UBL3: variants seen among roughly 807,000 people sequenced by gnomAD.
UBL3 encodes ubiquitin-like protein 3.
Under a neutral mutation model 18.4 loss-of-function variants are expected in UBL3, and 6 were observed. The ratio of observed to expected loss-of-function variants is 0.33; its 90% CI spans 0.18 to 0.64. UBL3 has a LOEUF of 0.64. Ranked by LOEUF, UBL3 falls within the 30% of genes least tolerant of loss-of-function variation. The pLI is 0.76. For missense variants in UBL3, 109 were observed against 142.9 expected, an observed-to-expected ratio of 0.76 and a Z score of 1.21; for synonymous variants, 49 against 46.6, an observed-to-expected ratio of 1.05 and a Z score of -0.21.
At chr13:29,775,269 A>C (rs913519475) in intron 2 of UBL3, among the ~76,000 whole-genome samples, 2 of 152,198 alleles carry the variant, frequency 1.3e-5, no homozygotes, top group Non-Finnish European at 2.9e-5. Context: ...ATATGAGTTA[A>C]GAAGAATAAA....
chr13:29,833,192 CTG>C (rs1347068056), intron 1 of UBL3, among the ~76,000 whole-genome samples: 1 of 151,124 alleles, frequency 6.6e-6, no homozygotes, highest in African/African-American at 2.5e-5. Flanking sequence ...CAGTCAGACA[CTG>C]AGATCTGTAT....
chr13:29,803,679 TC>T (rs1877830112), intron 1 of UBL3, among the ~76,000 whole-genome samples: 1 of 150,334 alleles, frequency 6.7e-6, no homozygotes, highest in African/African-American at 2.4e-5. Context: ...CCCACAAAGA[TC>T]AAAAAACACA....
chr13:29,767,693 A>G lies in UBL3; in HGVS notation c.226T>C (p.Leu76=). The change falls in exon 4 of 5, where the codon TTA becomes CTA. Residue 76 remains leucine (L), a splice_region_variant and synonymous_variant. Coordinates refer to ENST00000380680, the MANE Select transcript of UBL3 (RefSeq NM_007106.4). ...FLHGNVTLGA[L]KLPFGKTTVM... The stretch of plus-strand genomic sequence containing the variant: ...GTTGTTTTGCCAAAAGGAAGTTTTA[A>G]TGCTATGTGAAAAGCAAAAGATGAT... The G allele has an allele frequency of 1.2e-6, 2 of 1,612,560 alleles. No homozygotes were observed. Among genetic ancestry groups the G allele is most frequent in the Non-Finnish European group, 1.7e-6 (2 of 1,178,958 alleles).
chr13:29,783,154 T>C (rs369673366), intron 1 of UBL3, among the ~76,000 whole-genome samples: 9 of 152,242 alleles, frequency 5.9e-5, no homozygotes, highest in Non-Finnish European at 1.2e-4. Context: ...GTCATGCAGA[T>C]AGTTCAAATG....
intron 1 of UBL3, among the ~76,000 whole-genome samples, chr13:29,806,587 G>T (rs755202750): frequency 6.6e-6 from 1 of 152,170 alleles, no homozygotes; most frequent in African/African-American, 2.4e-5. Flanking sequence ...GTGCAGTGCT[G>T]AGGTGCAAGA....
rs183827917 is a variant in UBL3 at position 29,779,966 on chromosome 13, C to T, written c.28-2703G>A. Among the ~76,000 whole-genome samples the T allele has an allele frequency of 2.1e-4, 32 of 152,276 alleles. No individual in the cohort carries two copies. In the East Asian group the frequency reaches 6.2e-3, roughly 29 times the overall value. On this transcript the variant is annotated intron_variant, in intron 1 of 4. Coordinates refer to ENST00000380680, the MANE Select transcript of UBL3 (RefSeq NM_007106.4). ...GGCTCCTATGCTCTCTCCCTCTTCT[C>T]TTCCTGCCCTCCAGGTGGGGAGAGC...
intron 1 of UBL3, among the ~76,000 whole-genome samples, chr13:29,799,892 C>CAA (rs1311061065): frequency 6.6e-6 from 1 of 150,646 alleles, no homozygotes; most frequent in African/African-American, 2.4e-5. Flanking sequence ...TGCTTATTTT[C>CAA]AAAATAAGTC....
intron 1 of UBL3, among the ~76,000 whole-genome samples, chr13:29,821,630 T>C (rs896926184): frequency 6.6e-6 from 1 of 152,220 alleles, no homozygotes; most frequent in Non-Finnish European, 1.5e-5. Context: ...ACACTTTGTA[T>C]GTGTATCATT....
intron 1 of UBL3, among the ~76,000 whole-genome samples, chr13:29,827,556 T>C (rs1410516569): frequency 6.6e-6 from 1 of 152,216 alleles, no homozygotes; most frequent in Non-Finnish European, 1.5e-5. Flanking sequence ...ATCCCTTTAT[T>C]TTGAGCCTAT....
At chr13:29,813,494 G>A (rs907423053) in intron 1 of UBL3, among the ~76,000 whole-genome samples, 23 of 151,926 alleles carry the variant, frequency 1.5e-4, no homozygotes, top group Non-Finnish European at 2.6e-4. Context: ...CTTTATCCTC[G>A]AGACTCTGCA....
intron 1 of UBL3, among the ~76,000 whole-genome samples, chr13:29,794,887 T>C (rs1418574300): frequency 6.6e-6 from 1 of 152,240 alleles, no homozygotes; most frequent in Non-Finnish European, 1.5e-5. Context: ...TGGCTATGCA[T>C]TTGAGTACAT....
At chr13:29,789,478 A>G (rs1313077928) in intron 1 of UBL3, among the ~76,000 whole-genome samples, 1 of 152,248 alleles carries the variant, frequency 6.6e-6, no homozygotes, top group Admixed American at 6.5e-5. Flanking sequence ...CTGTATTATT[A>G]GTGTGTTCAA....
rs76593598 is a variant in UBL3, at chr13:29,833,285, C to T, written c.27+16227G>A. 3.4e-3 allele frequency among the ~76,000 whole-genome samples: 515 copies of T among 152,182 alleles called. 1 individual carries two copies. The highest frequency in any genetic ancestry group is 0.012 in the African/African-American group (490 of 41,520). On this transcript the variant is annotated intron_variant, in intron 1 of 4. Coordinates refer to ENST00000380680, the MANE Select transcript of UBL3 (RefSeq NM_007106.4). ...AATAAAAAGACGTCTGGATGGAGAT[C>T]GGGTTAAAAAGTAGTGGAGATAAAA...
intron 1 of UBL3, among the ~76,000 whole-genome samples, chr13:29,800,038 G>A (rs1459308041): frequency 6.6e-6 from 1 of 152,076 alleles, no homozygotes; most frequent in Non-Finnish European, 1.5e-5. Flanking sequence ...CAGGGAATAG[G>A]GGGATGACTA....
At chr13:29,836,713 T>C (rs1309660677) in intron 1 of UBL3, among the ~76,000 whole-genome samples, 2 of 152,058 alleles carry the variant, frequency 1.3e-5, no homozygotes, top group Middle Eastern at 3.2e-3. Context: ...GTGGATGTTG[T>C]ACCACCAAAG....
intron 1 of UBL3, among the ~76,000 whole-genome samples, chr13:29,806,593 C>G (rs925382027): frequency 2.6e-5 from 4 of 152,114 alleles, no homozygotes; most frequent in African/African-American, 9.7e-5. Context: ...TGCTGAGGTG[C>G]AAGAGTGCCA....
At chr13:29,768,699 G>T (rs1876755731) in intron 3 of UBL3, among the ~76,000 whole-genome samples, 2 of 151,930 alleles carry the variant, frequency 1.3e-5, no homozygotes, top group South Asian at 4.1e-4. Context: ...CCATTATTTG[G>T]TCTACACTTT....
chr13:29,835,165 T>TATATATATATAA (rs1878925964), intron 1 of UBL3, among the ~76,000 whole-genome samples: 3 of 49,842 alleles, frequency 6.0e-5, no homozygotes, highest in Admixed American at 2.9e-4. Context: ...TATATATATA[T>TATATATATATAA]ATATATATAT....
intron 1 of UBL3, among the ~76,000 whole-genome samples, chr13:29,828,650 T>A (rs1878687392): frequency 6.6e-6 from 1 of 152,230 alleles, no homozygotes; most frequent in South Asian, 2.1e-4. Context: ...AGAAGTCTGA[T>A]CATCTGAAGC....
Sources: gnomAD v4.1 joint callset for allele counts (sites outside exome capture counted in the v4.1 genomes callset) on GRCh38, gnomAD v4.1.1 for gene constraint, MANE v1.5 for transcripts, NCBI Gene and HGNC (gene_info 2026-07-23, HGNC 2026-07-21) for gene names.